HIVEP3: variants seen among roughly 807,000 people sequenced by gnomAD.
HIVEP3 encodes transcription factor HIVEP3.
HIVEP3 carries 49 observed loss-of-function variants against 152.8 expected under a neutral mutation model. The ratio of observed to expected loss-of-function variants is 0.32; its 90% CI spans 0.26 to 0.41. The LOEUF is 0.41. HIVEP3 is among the 10% of genes least tolerant of loss of function. The pLI is 1.00. For missense variants in HIVEP3, 2,790 were observed against 3,103.3 expected, an observed-to-expected ratio of 0.90 and a Z score of 2.40; for synonymous variants, 1,269 against 1,289.0, an observed-to-expected ratio of 0.98 and a Z score of 0.33.
At chr1:41,591,445 C>T (rs981911550) in intron 3 of HIVEP3, among the ~76,000 whole-genome samples, 2 of 151,964 alleles carry the variant, frequency 1.3e-5, no homozygotes, top group Non-Finnish European at 2.9e-5. Context: ...CACAGGCAGG[C>T]GATCAGGTGG....
intron 1 of HIVEP3, among the ~76,000 whole-genome samples, chr1:41,975,203 A>C (rs1465421013): frequency 6.6e-6 from 1 of 152,204 alleles, no homozygotes; most frequent in African/African-American, 2.4e-5. Context: ...ATAACATCAC[A>C]GTTCAACTGC....
intron 7 of HIVEP3, among the ~76,000 whole-genome samples, chr1:41,517,811 A>G (rs114043917): frequency 5.6e-4 from 85 of 152,230 alleles, no homozygotes; most frequent in African/African-American, 2.0e-3. Flanking sequence ...ATTGACCACC[A>G]TGGCCGGGGT....
intron 5 of HIVEP3, among the ~76,000 whole-genome samples, chr1:41,572,182 T>A (rs1468587469): frequency 6.6e-6 from 1 of 152,182 alleles, no homozygotes; most frequent in African/African-American, 2.4e-5. Flanking sequence ...GCAAAAATGC[T>A]CAGGAGGCAT....
chr1:41,625,162 C>CAAAAAAAAAAAAAAAAAA (rs59268661), intron 3 of HIVEP3, among the ~76,000 whole-genome samples: 3 of 71,230 alleles, frequency 4.2e-5, no homozygotes, highest in African/African-American at 5.2e-5. Flanking sequence ...GATTCCAACT[C>CAAAAAAAAAAAAAAAAAA]AAAAAAAAAA....
At chr1:41,707,879 T>A (rs748697282) in intron 1 of HIVEP3, among the ~76,000 whole-genome samples, 2 of 152,240 alleles carry the variant, frequency 1.3e-5, no homozygotes, top group Non-Finnish European at 2.9e-5. Context: ...CGGTTTGCTA[T>A]CTGCAGCAAT....
intron 1 of HIVEP3, among the ~76,000 whole-genome samples, chr1:41,914,500 T>C (rs74069201): frequency 0.051 from 7,809 of 152,306 alleles, 612 homozygotes; most frequent in African/African-American, 0.17. Flanking sequence ...TTTCCACATA[T>C]GTATTGAATT....
intron 1 of HIVEP3, among the ~76,000 whole-genome samples, chr1:41,761,292 A>G (rs1410741411): frequency 1.3e-5 from 2 of 152,062 alleles, no homozygotes; most frequent in African/African-American, 4.8e-5. Context: ...GTATACACCT[A>G]CGTGAGTGTG....
intron 1 of HIVEP3, among the ~76,000 whole-genome samples, chr1:41,901,175 G>A (rs956754786): frequency 1.3e-5 from 2 of 152,198 alleles, no homozygotes; most frequent in African/African-American, 4.8e-5. Context: ...AGCAGCTTGG[G>A]GGACAGTGGT....
chr1:41,885,357 G>A (rs775840478), intron 1 of HIVEP3, among the ~76,000 whole-genome samples: 83 of 151,956 alleles, frequency 5.5e-4, no homozygotes, highest in Non-Finnish European at 4.9e-4. Flanking sequence ...CACTGTACTC[G>A]AAGTAGATGG....
chr1:42,029,727 C>T (rs1645602547), intron 1 of HIVEP3, among the ~76,000 whole-genome samples: 1 of 152,156 alleles, frequency 6.6e-6, no homozygotes, highest in Non-Finnish European at 1.5e-5. Flanking sequence ...TTTGTAGAAA[C>T]TAGCACTAAT....
chr1:41,551,246 A>G (rs940757324), intron 5 of HIVEP3, among the ~76,000 whole-genome samples: 9 of 152,174 alleles, frequency 5.9e-5, no homozygotes, highest in African/African-American at 2.2e-4. Flanking sequence ...GTGGTGGATA[A>G]GCTTTTTGAT....
intron 1 of HIVEP3, among the ~76,000 whole-genome samples, chr1:41,704,941 T>C (rs1646412054): frequency 6.6e-6 from 1 of 152,254 alleles, no homozygotes; most frequent in South Asian, 2.1e-4. Flanking sequence ...CTCCATAGAC[T>C]GTTTTTAAAA....
chr1:41,920,968 TAA>T (rs1644938463), upstream of HIVEP3, among the ~76,000 whole-genome samples: 1 of 152,214 alleles, frequency 6.6e-6, no homozygotes, highest in African/African-American at 2.4e-5. Flanking sequence ...TCCTTTTCAG[TAA>T]AAGTTTTTCT....
chr1:41,629,037 C>G (rs1645157131), intron 2 of HIVEP3, 90 bp from the exon 3 acceptor site: 1 of 990,684 alleles, frequency 1.0e-6, no homozygotes, highest in African/African-American at 1.7e-5. Context: ...CCCTGGAGGA[C>G]ACACCCCCCA....
rs777175623 is a variant in HIVEP3 at position 41,513,131 on chromosome 1, T to C, written c.6090A>G (p.Arg2030=). ...AGAGGGTGAGAGGAGACAGCTGAAG[T>C]CTTGGAGACCCACAAGGGAGAGCGC... is the stretch of plus-strand genomic sequence containing the variant. The part of the protein sequence containing the change: ...GMGALPCGSP[R]LQLSPLTLCP... The change falls in exon 8 of 9, where the codon AGA becomes AGG. Residue 2030 remains arginine (R), a synonymous_variant. Coordinates refer to ENST00000372583, the MANE Select transcript of HIVEP3 (RefSeq NM_024503.5). The C allele has an allele frequency of 6.2e-7, 1 of 1,613,706 alleles. No homozygotes were observed. Among genetic ancestry groups the C allele is most frequent in the Non-Finnish European group, 8.5e-7 (1 of 1,179,962 alleles).
chr1:41,867,720 C>G (rs1481167063), intron 1 of HIVEP3, among the ~76,000 whole-genome samples: 1 of 152,244 alleles, frequency 6.6e-6, no homozygotes, highest in Non-Finnish European at 1.5e-5. Flanking sequence ...CATCTCTCCA[C>G]TACGAGGTGC....
At chr1:41,551,982 G>A (rs554762392) in intron 5 of HIVEP3, among the ~76,000 whole-genome samples, 44 of 152,084 alleles carry the variant, frequency 2.9e-4, no homozygotes, top group African/African-American at 9.9e-4. Context: ...TTAGGGTGTC[G>A]ATTTTAGATC....
At chr1:41,998,592 C>G (rs1645408507) in intron 1 of HIVEP3, among the ~76,000 whole-genome samples, 1 of 152,100 alleles carries the variant, frequency 6.6e-6, no homozygotes, top group Non-Finnish European at 1.5e-5. Context: ...TTGTGTATGG[C>G]TTAGTTCTGT....
At chr1:41,805,072 C>T (rs575424462) in intron 1 of HIVEP3, among the ~76,000 whole-genome samples, 1 of 152,346 alleles carries the variant, frequency 6.6e-6, no homozygotes, top group South Asian at 2.1e-4. Context: ...CGCGGTGGCT[C>T]ACACCTGTAA....
Sources: gnomAD v4.1 joint callset for allele counts (sites outside exome capture counted in the v4.1 genomes callset) on GRCh38, gnomAD v4.1.1 for gene constraint, MANE v1.5 for transcripts, NCBI Gene and HGNC (gene_info 2026-07-23, HGNC 2026-07-21) for gene names.